DLGAP2: variants seen among roughly 807,000 people sequenced by gnomAD.
DLGAP2 encodes DLG associated protein 2.
DLGAP2 carries 26 observed loss-of-function variants against 100.3 expected under a neutral mutation model. The observed-to-expected ratio is 0.26, with a 90% confidence interval of 0.19 to 0.36. The LOEUF is 0.36. Among genes scored for constraint, DLGAP2 ranks in the 10% least tolerant of loss-of-function variants. The pLI is 1.00. For missense variants in DLGAP2, 1,858 were observed against 1,453.2 expected (o/e 1.28, Z -4.53); for synonymous variants, 886 against 630.1 (o/e 1.41, Z -6.08).
chr8:1,193,985 A>G (rs1440485923), intron 2 of DLGAP2, among the ~76,000 whole-genome samples: 1 of 152,184 alleles, frequency 6.6e-6, no homozygotes, highest in African/African-American at 2.4e-5. Context: ...AAGTCGTAGT[A>G]TCTGAAGCCT....
chr8:783,405 A>G (rs1459557795), intron 1 of DLGAP2, among the ~76,000 whole-genome samples: 1 of 152,216 alleles, frequency 6.6e-6, no homozygotes, highest in Non-Finnish European at 1.5e-5. Context: ...TCATGATATT[A>G]CATACACGGG....
At position 1,495,428 on chromosome 8, in the gene DLGAP2, T is replaced by TCTGAGCCGGAGA. The variant is rs573953101; in HGVS notation, c.107-5928_107-5917dup. 5.0e-4 allele frequency among the ~76,000 whole-genome samples: 76 copies of TCTGAGCCGGAGA among 152,302 alleles called. 1 individual carries two copies. Among genetic ancestry groups the TCTGAGCCGGAGA allele is most frequent in the South Asian group, 3.1e-3 (15 of 4,822 alleles). ...TTCTCTTCCCCTTCTGCTGTGCTGC[T>TCTGAGCCGGAGA]CTGAGCCGGAGACTGAGCCGGCCAG... On this transcript the variant is annotated intron_variant, in intron 3 of 14. Coordinates refer to ENST00000637795, the MANE Select transcript of DLGAP2 (RefSeq NM_001346810.2).
intron 2 of DLGAP2, among the ~76,000 whole-genome samples, chr8:1,024,187 GTT>G (rs1563150378): frequency 8.9e-6 from 1 of 112,704 alleles, no homozygotes; most frequent in Non-Finnish European, 2.2e-5. Flanking sequence ...GGGGTGGACA[GTT>G]CCGTGCCGAG....
intron 3 of DLGAP2, among the ~76,000 whole-genome samples, chr8:1,448,860 G>A (rs1343375426): frequency 6.6e-6 from 1 of 152,182 alleles, no homozygotes; most frequent in African/African-American, 2.4e-5. Context: ...GGATTCTAAT[G>A]TTGATCCTGA....
intron 2 of DLGAP2, among the ~76,000 whole-genome samples, chr8:1,131,113 CATTTT>C (rs1328405851): frequency 6.6e-6 from 1 of 152,130 alleles, no homozygotes; most frequent in Non-Finnish European, 1.5e-5. Context: ...AAAATGCACT[CATTTT>C]ATAACAGAAG....
chr8:1,324,028 G>A (rs1396600092), intron 3 of DLGAP2, among the ~76,000 whole-genome samples: 1 of 152,216 alleles, frequency 6.6e-6, no homozygotes, highest in African/African-American at 2.4e-5. Flanking sequence ...GGCAACTGAA[G>A]TGTGCGTCTG....
In DLGAP2 at chr8:1,315,538, C is replaced by T. The variant is rs865947161; in HGVS notation, c.106+56655C>T. On this transcript the variant is annotated intron_variant, in intron 3 of 14. Coordinates refer to ENST00000637795, the MANE Select transcript of DLGAP2 (RefSeq NM_001346810.2). Reference sequence around the variant, plus strand: ...CGTCTCTCCAACAGTGGTCTACACTCGAGAAACTCGGCAGCGTTTAAAAAT... The same window carrying T: ...CGTCTCTCCAACAGTGGTCTACACTTGAGAAACTCGGCAGCGTTTAAAAAT... Among the ~76,000 whole-genome samples the T allele has an allele frequency of 8.6e-3, 1,264 of 146,256 alleles. 2 individuals are homozygous for T. Among genetic ancestry groups the T allele is most frequent in the African/African-American group, 0.029 (1,124 of 38,390 alleles).
At chr8:1,604,161 G>A (rs559408371) in intron 6 of DLGAP2, among the ~76,000 whole-genome samples, 3 of 152,268 alleles carry the variant, frequency 2.0e-5, no homozygotes, top group South Asian at 2.1e-4. Context: ...GGCCGTTATC[G>A]ACATGGATTC....
intron 8 of DLGAP2, among the ~76,000 whole-genome samples, chr8:1,645,961 GT>G (rs1428576863): frequency 1.3e-5 from 2 of 152,222 alleles, no homozygotes; most frequent in Non-Finnish European, 2.9e-5. Context: ...GTTAGGTGAT[GT>G]TTGCCATTGG....
At chr8:1,446,807 C>T (rs567278255) in intron 3 of DLGAP2, among the ~76,000 whole-genome samples, 2 of 152,308 alleles carry the variant, frequency 1.3e-5, no homozygotes, top group Middle Eastern at 3.4e-3. Context: ...AGGTCATTCA[C>T]ATCCCTTGTA....
chr8:1,299,905 A>G (rs991954653), intron 3 of DLGAP2: 1 of 152,196 alleles, frequency 6.6e-6, no homozygotes, highest in Non-Finnish European at 1.5e-5. Flanking sequence ...GGCTTAAGCA[A>G]CATAAATTAA....
At chr8:901,003 G>A (rs895502903) in intron 1 of DLGAP2, among the ~76,000 whole-genome samples, 2 of 152,178 alleles carry the variant, frequency 1.3e-5, no homozygotes, top group African/African-American at 2.4e-5. Context: ...AAGACAAGTC[G>A]GGGTAGGTTG....
At chr8:1,539,279 T>A (rs951970188) in intron 4 of DLGAP2, among the ~76,000 whole-genome samples, 8 of 152,224 alleles carry the variant, frequency 5.3e-5, no homozygotes, top group African/African-American at 1.7e-4. Flanking sequence ...CTCTGGGACT[T>A]AATCGCTGCT....
At chr8:802,642 C>T (rs1261272553) in intron 1 of DLGAP2, among the ~76,000 whole-genome samples, 1 of 152,114 alleles carries the variant, frequency 6.6e-6, no homozygotes, top group Non-Finnish European at 1.5e-5. Context: ...TGCATCTCAC[C>T]GTCTCAGGGG....
At chr8:1,455,021 C>T (rs1798266763) in intron 3 of DLGAP2, among the ~76,000 whole-genome samples, 1 of 152,164 alleles carries the variant, frequency 6.6e-6, no homozygotes, top group South Asian at 2.1e-4. Flanking sequence ...TCAGCTACAT[C>T]TTGGGGGTCT....
intron 3 of DLGAP2, among the ~76,000 whole-genome samples, chr8:1,288,539 AGTGT>A (rs1166851174): frequency 1.8e-3 from 51 of 27,892 alleles, no homozygotes; most frequent in Middle Eastern, 0.025. Flanking sequence ...GTTTCAGTTG[AGTGT>A]GTGTGTGTGT....
intron 2 of DLGAP2, among the ~76,000 whole-genome samples, chr8:1,195,028 G>A (rs540310637): frequency 2.0e-5 from 3 of 152,324 alleles, no homozygotes; most frequent in Admixed American, 1.3e-4. Flanking sequence ...GAGAAGCTTG[G>A]GCACACTTTG....
At chr8:964,699 C>A (rs994372900) in intron 2 of DLGAP2, among the ~76,000 whole-genome samples, 2 of 152,246 alleles carry the variant, frequency 1.3e-5, no homozygotes, top group Non-Finnish European at 2.9e-5. Context: ...TCTGCCCACA[C>A]CCAAGGGGCC....
intron 2 of DLGAP2, among the ~76,000 whole-genome samples, chr8:1,173,923 T>G (rs570314572): frequency 6.6e-6 from 1 of 152,178 alleles, no homozygotes; most frequent in Admixed American, 6.5e-5. Flanking sequence ...CCTAGTGAGA[T>G]GAACCTGGTA....
Sources: allele counts gnomAD v4.1 joint callset (sites outside exome capture counted in the v4.1 genomes callset), GRCh38; gene constraint gnomAD v4.1.1; transcripts MANE v1.5; gene names NCBI Gene and HGNC (gene_info 2026-07-23, HGNC 2026-07-21).